Variants in TUBGCP3 observed in about 807,000 individuals in gnomAD.
TUBGCP3 encodes gamma-tubulin complex component 3.
Under a neutral mutation model 123.1 loss-of-function variants are expected in TUBGCP3, and 50 were observed. That is an observed-to-expected ratio of 0.41 (90% CI 0.32 to 0.51). TUBGCP3 has a LOEUF of 0.51. TUBGCP3 is among the 20% of genes least tolerant of loss of function. The pLI is 0.36. For missense variants in TUBGCP3, 882 were observed against 1,127.0 expected, an observed-to-expected ratio of 0.78 and a Z score of 3.11; for synonymous variants, 405 against 413.9, an observed-to-expected ratio of 0.98 and a Z score of 0.26.
At position 112,519,336 on chromosome 13, in the gene TUBGCP3, G is replaced by A. The variant is rs1476447832; in HGVS notation, c.1882-293C>T. 6.6e-6 allele frequency among the ~76,000 whole-genome samples: 1 copy of A among 152,132 alleles called. No individual in the cohort carries two copies. Among genetic ancestry groups the A allele is most frequent in the Non-Finnish European group, 1.5e-5 (1 of 68,024 alleles). ...ACGAAAACCCACTGCCTCTAAATAT[G>A]TTCCAAATCTTTTTATTCCAAGATG... On this transcript the variant is annotated intron_variant, in intron 15 of 21. Transcript: ENST00000261965. This position sits in a 1 kb window ranked among gnomAD's most constrained non-coding sequence, Gnocchi z 6.2.
rs1299169103 is a variant in TUBGCP3, at chr13:112,498,755, G to C, written c.2448+290C>G. ...GAGGCAGCTGTGGAGATTCCGACGG[G>C]TGACATCGGCATTGTGGCACTCAGT... On this transcript the variant is annotated intron_variant, in intron 20 of 21. Transcript: ENST00000261965. The C allele has an allele frequency of 5.3e-6, 8 of 1,523,158 alleles. No individual in the cohort carries two copies. In the African/African-American group the frequency reaches 5.5e-5, roughly 11 times the overall value. The allele number at this position is 1,523,158 out of a possible 1,614,324, so 94.4% of individuals were successfully genotyped here. A position where few individuals can be genotyped will look rare whatever the true frequency, so the allele number is the denominator to read the frequency against.
chr13:112,531,735 C>T (rs1877594891), intron 11 of TUBGCP3, among the ~76,000 whole-genome samples: 1 of 152,048 alleles, frequency 6.6e-6, no homozygotes, highest in Admixed American at 6.5e-5. Context: ...ATCACTCCAG[C>T]AGCAAACATC....
At chr13:112,582,551 G>A (rs998669867) in intron 1 of TUBGCP3, among the ~76,000 whole-genome samples, 1 of 152,162 alleles carries the variant, frequency 6.6e-6, no homozygotes, top group African/African-American at 2.4e-5. Context: ...CACAGGGAAG[G>A]GCGGCACTGG....
At chr13:112,512,965 A>C (rs1881770703) in intron 17 of TUBGCP3, among the ~76,000 whole-genome samples, 1 of 152,238 alleles carries the variant, frequency 6.6e-6, no homozygotes, top group African/African-American at 2.4e-5. Context: ...TTTCATCTTG[A>C]TTCTTCATGA....
intron 17 of TUBGCP3, among the ~76,000 whole-genome samples, chr13:112,514,093 A>C (rs1016326444): frequency 2.0e-5 from 3 of 152,160 alleles, no homozygotes; most frequent in African/African-American, 7.2e-5. Flanking sequence ...GTACGGTGAG[A>C]TCTTTTGAGA....
At position 112,516,548 on chromosome 13, in the gene TUBGCP3, A is replaced by G; in HGVS notation, c.1978T>C (p.Tyr660His). The G allele has an allele frequency of 6.2e-7, 1 of 1,613,780 alleles. No homozygotes were observed. Among genetic ancestry groups the G allele is most frequent in the South Asian group, 1.1e-5 (1 of 91,004 alleles). ...CAGAGGAAGTTAAATACTCTTAGGT[A>G]GTGGCTCATACATTCTCGAGTAAAC... Reference protein sequence around the residue: ...TVFTRECMSHYLRVFNFLWRA... With the variant: ...TVFTRECMSHHLRVFNFLWRA... Residue 660 changes from tyrosine (Y) to histidine (H), a missense_variant, in exon 17 of 22, where the codon TAC becomes CAC. Physicochemically the swap from Tyr to His is moderately conservative, Grantham distance 83 (BLOSUM62 2). Coordinates refer to ENST00000261965, the MANE Select transcript of TUBGCP3 (RefSeq NM_006322.6).
chr13:112,602,475 ACT>A, the TUBGCP3 span, among the ~76,000 whole-genome samples: 210 of 152,082 alleles, frequency 1.4e-3, 3 homozygotes, highest in Middle Eastern at 0.014. Context: ...CTTCTGAATA[ACT>A]CTCTTTTCCC....
Position 112,545,661 on chromosome 13 carries a change from T to C in TUBGCP3, c.1335+38A>G. 1 of 1,598,930 alleles carries C rather than the reference T, an allele frequency of 6.3e-7. No individual in the cohort carries two copies. The highest frequency in any genetic ancestry group is 8.6e-7 in the Non-Finnish European group (1 of 1,167,010). ...ACAGCATAACTGCGTGCCCATGCTT[T>C]TTAAATCCAAGTCTCAGAACCGAAC... On this transcript the variant is annotated intron_variant, in intron 11 of 21. Transcript: ENST00000261965. The surrounding 1 kb of genome is among the most constrained non-coding windows in gnomAD (Gnocchi z 4.1).
the TUBGCP3 span, among the ~76,000 whole-genome samples, chr13:112,598,094 T>C: frequency 6.6e-6 from 1 of 152,074 alleles, no homozygotes; most frequent in Non-Finnish European, 1.5e-5. Context: ...CCAATTAACC[T>C]GATAGTTGAT....
intron 1 of TUBGCP3, among the ~76,000 whole-genome samples, chr13:112,583,381 T>C (rs959491844): frequency 1.3e-5 from 2 of 152,230 alleles, no homozygotes; most frequent in South Asian, 2.1e-4. Context: ...CTTCAACAGA[T>C]TCGATGAGAT....
chr13:112,503,962 A>AT, intron 19 of TUBGCP3, 70 bp downstream of exon 19: 1 of 1,528,922 alleles, frequency 6.5e-7, no homozygotes, highest in Non-Finnish European at 8.8e-7. Context: ...AGATTCCCCC[A>AT]TTTGACAGGA....
At chr13:112,591,326 C>T (rs1332120116), upstream of TUBGCP3, among the ~76,000 whole-genome samples, 1 of 152,254 alleles carries the variant, frequency 6.6e-6, no homozygotes, top group Non-Finnish European at 1.5e-5. Flanking sequence ...AAGAAAACAA[C>T]ATGTGAGGCG....
At chr13:112,570,283 G>A (rs1881298024) in intron 1 of TUBGCP3, among the ~76,000 whole-genome samples, 2 of 152,164 alleles carry the variant, frequency 1.3e-5, no homozygotes, top group South Asian at 4.2e-4. Flanking sequence ...AGAAAAGAGA[G>A]ACAGATGGTG....
chr13:112,538,850 G>A (rs1385579851), intron 11 of TUBGCP3, among the ~76,000 whole-genome samples: 2 of 151,996 alleles, frequency 1.3e-5, no homozygotes, highest in Non-Finnish European at 2.9e-5. Context: ...TTAACCTATA[G>A]AAGAAACAAA....
At chr13:112,572,084 A>G (rs1213819045) in intron 1 of TUBGCP3, among the ~76,000 whole-genome samples, 1 of 152,162 alleles carries the variant, frequency 6.6e-6, no homozygotes, top group Non-Finnish European at 1.5e-5. Context: ...TAGCATTTGT[A>G]ATTTCCTTCA....
chr13:112,488,766 G>A (rs559663544), intron 21 of TUBGCP3, among the ~76,000 whole-genome samples: 3 of 138,824 alleles, frequency 2.2e-5, no homozygotes, highest in Admixed American at 6.9e-5. Flanking sequence ...GGGAGCACAG[G>A]GGTCACCCCC....
intron 17 of TUBGCP3, among the ~76,000 whole-genome samples, chr13:112,510,049 G>T (rs1232219833): frequency 6.6e-6 from 1 of 152,150 alleles, no homozygotes; most frequent in Non-Finnish European, 1.5e-5. Context: ...TGGCAATAAG[G>T]TCCAATGAAT....
At chr13:112,492,457 C>T (rs1055823000) in intron 20 of TUBGCP3, among the ~76,000 whole-genome samples, 1 of 152,238 alleles carries the variant, frequency 6.6e-6, no homozygotes, top group Admixed American at 6.5e-5. Flanking sequence ...TGAATATGCG[C>T]ATGTCACCCC....
chr13:112,543,882 A>C (rs1457112508), intron 11 of TUBGCP3, among the ~76,000 whole-genome samples: 1 of 152,218 alleles, frequency 6.6e-6, no homozygotes, highest in African/African-American at 2.4e-5. Context: ...CCATAAGAAA[A>C]ATGGGCAAAG....
Sources: gnomAD v4.1 joint callset for allele counts (sites outside exome capture counted in the v4.1 genomes callset) on GRCh38, gnomAD v4.1.1 for gene constraint, Gnocchi (gnomAD v3.1) non-coding constraint, MANE v1.5 for transcripts, NCBI Gene and HGNC (gene_info 2026-07-23, HGNC 2026-07-21) for gene names.